PLCB1: variants seen among roughly 807,000 people sequenced by gnomAD.
The protein encoded by PLCB1 is 1-phosphatidylinositol 4,5-bisphosphate phosphodiesterase beta-1.
PLCB1 carries 46 observed loss-of-function variants against 161.8 expected under a neutral mutation model. That is an observed-to-expected ratio of 0.28 (90% confidence interval 0.22 to 0.36). The LOEUF (loss-of-function observed/expected upper bound fraction) is 0.36, where lower values mean the gene tolerates loss of function less well. Among genes scored for constraint, PLCB1 ranks in the 10% least tolerant of loss-of-function variants. The pLI is 1.00. For missense variants in PLCB1, 1,016 were observed against 1,472.5 expected (o/e 0.69, Z 5.07); for synonymous variants, 517 against 503.7 (o/e 1.03, Z -0.35).
intron 3 of PLCB1, among the ~76,000 whole-genome samples, chr20:8,492,305 T>G (rs899556678): frequency 6.6e-6 from 1 of 152,196 alleles, no homozygotes; most frequent in African/African-American, 2.4e-5. Context: ...AAATAACTTA[T>G]TTGACTCTGT....
intron 31 of PLCB1, among the ~76,000 whole-genome samples, chr20:8,794,661 C>G (rs1441523348): frequency 6.6e-6 from 1 of 152,148 alleles, no homozygotes; most frequent in Non-Finnish European, 1.5e-5. Context: ...TGTTCCTAAT[C>G]TTGTCTTAAC....
chr20:8,548,331 T>G (rs1456587811), intron 3 of PLCB1, among the ~76,000 whole-genome samples: 1 of 142,124 alleles, frequency 7.0e-6, no homozygotes, highest in African/African-American at 2.7e-5. Flanking sequence ...CATTTTTTCT[T>G]TCTCTTTGTT....
rs1043589036 is a variant in PLCB1 at position 8,764,143 on chromosome 20, C to T, written c.2711-996C>T. ...GATCACGCCACTGCACTCCAGCCTG[C>T]GCAACAGAGCAAGACTCTGTCTCAA... On this transcript the variant is annotated intron_variant, in intron 25 of 31. Coordinates refer to ENST00000338037, the MANE Select transcript of PLCB1 (RefSeq NM_015192.4). Among the ~76,000 whole-genome samples, 31 of 152,044 alleles carry T rather than the reference C, an allele frequency of 2.0e-4. No individual in the cohort carries two copies. In the East Asian group the frequency reaches 4.1e-3, roughly 20 times the overall value.
At chr20:8,236,458 A>T (rs1040353743) in intron 2 of PLCB1, among the ~76,000 whole-genome samples, 1 of 151,984 alleles carries the variant, frequency 6.6e-6, no homozygotes, top group Non-Finnish European at 1.5e-5. Flanking sequence ...GCTTGAGCCC[A>T]GGAGTTTGAG....
chr20:8,293,425 G>A (rs139173643), intron 2 of PLCB1, among the ~76,000 whole-genome samples: 1 of 152,002 alleles, frequency 6.6e-6, no homozygotes, highest in Non-Finnish European at 1.5e-5. Context: ...TTCTCATTTT[G>A]TCATACAGAA....
intron 3 of PLCB1, among the ~76,000 whole-genome samples, chr20:8,553,714 T>C (rs141911909): frequency 0.015 from 2,315 of 152,226 alleles, 31 homozygotes; most frequent in Non-Finnish European, 0.021. Flanking sequence ...ATAAAACTGC[T>C]GTTTAGCTTG....
chr20:8,543,137 C>T (rs1985398636), intron 3 of PLCB1, among the ~76,000 whole-genome samples: 1 of 152,034 alleles, frequency 6.6e-6, no homozygotes, highest in Non-Finnish European at 1.5e-5. Context: ...ATCAGAATAT[C>T]CTTTAAACAA....
At chr20:8,331,259 A>C (rs1985353797) in intron 2 of PLCB1, among the ~76,000 whole-genome samples, 1 of 152,234 alleles carries the variant, frequency 6.6e-6, no homozygotes, top group Non-Finnish European at 1.5e-5. Context: ...TGTTTTACAG[A>C]CAAAGACTTG....
At chr20:8,502,443 A>T (rs1983463841) in intron 3 of PLCB1, among the ~76,000 whole-genome samples, 1 of 152,206 alleles carries the variant, frequency 6.6e-6, no homozygotes, top group African/African-American at 2.4e-5. Flanking sequence ...TATTTGTAAG[A>T]TATTAATATA....
At chr20:8,799,102 C>T (rs535963720) in intron 31 of PLCB1, among the ~76,000 whole-genome samples, 1 of 152,262 alleles carries the variant, frequency 6.6e-6, no homozygotes, top group East Asian at 1.9e-4. Flanking sequence ...CGCATGGATG[C>T]CGTTGATTCC....
chr20:8,794,958 T>C (rs1600333559), intron 31 of PLCB1, among the ~76,000 whole-genome samples: 1 of 152,242 alleles, frequency 6.6e-6, no homozygotes, highest in South Asian at 2.1e-4. Context: ...AGTGTGACTT[T>C]GCTAGCAGTT....
chr20:8,773,457 T>C (rs1295491228), intron 26 of PLCB1, among the ~76,000 whole-genome samples: 2 of 152,254 alleles, frequency 1.3e-5, no homozygotes, highest in Non-Finnish European at 2.9e-5. Flanking sequence ...TAATTTATTT[T>C]GACATTCACC....
intron 2 of PLCB1, among the ~76,000 whole-genome samples, chr20:8,196,704 ACATGTGCACAACGTGC>A (rs2052027956): frequency 6.6e-6 from 1 of 151,472 alleles, no homozygotes; most frequent in Non-Finnish European, 1.5e-5. Context: ...GTTCTAGGGT[ACATGTGCACAACGTGC>A]AGGTTTGTTA....
chr20:8,733,938 G>C (rs1980431130), intron 19 of PLCB1, among the ~76,000 whole-genome samples: 1 of 146,630 alleles, frequency 6.8e-6, no homozygotes, highest in Non-Finnish European at 1.5e-5. Context: ...TGGCTAACAC[G>C]GTGAAACCCC....
In PLCB1 at chr20:8,657,034, A is replaced by G. The variant is rs544979326; in HGVS notation, c.595-150A>G. ...AATGTTTACCCTGACCTCCTAGAAG[A>G]AAAGGAAAAAGAAAGGAAAGAGAGA... On this transcript the variant is annotated intron_variant, in intron 7 of 31. Coordinates refer to ENST00000338037, the MANE Select transcript of PLCB1 (RefSeq NM_015192.4). The G allele has an allele frequency of 3.2e-4, 192 of 599,812 alleles. 1 individual carries two copies. The highest frequency in any genetic ancestry group is 3.2e-3 in the African/African-American group (170 of 53,722). The allele number at this position is 599,812 out of a possible 1,614,324, so 37.2% of individuals were successfully genotyped here. A position where few individuals can be genotyped will look rare whatever the true frequency, so the allele number is the denominator to read the frequency against.
intron 3 of PLCB1, among the ~76,000 whole-genome samples, chr20:8,547,422 A>G (rs1985593525): frequency 6.6e-6 from 1 of 152,190 alleles, no homozygotes; most frequent in Admixed American, 6.5e-5. Context: ...GCGTGGGGAC[A>G]TATGTCAAAT....
At chr20:8,365,304 A>G (rs770727313) in intron 2 of PLCB1, among the ~76,000 whole-genome samples, 1 of 152,226 alleles carries the variant, frequency 6.6e-6, no homozygotes, top group African/African-American at 2.4e-5. Context: ...AATTTGCACT[A>G]TATTAAATCT....
chr20:8,164,068 T>A (rs771650615), intron 2 of PLCB1, among the ~76,000 whole-genome samples: 2 of 152,206 alleles, frequency 1.3e-5, no homozygotes, highest in Non-Finnish European at 1.5e-5. Context: ...TTCTCTGTGA[T>A]GTATGGATCT....
chr20:8,620,286 C>G (rs1465854848), intron 3 of PLCB1, among the ~76,000 whole-genome samples: 1 of 152,068 alleles, frequency 6.6e-6, no homozygotes, highest in African/African-American at 2.4e-5. Context: ...CAGCCCTTAA[C>G]ATATAATGAT....
Sources: allele counts gnomAD v4.1 joint callset (sites outside exome capture counted in the v4.1 genomes callset), GRCh38; gene constraint gnomAD v4.1.1; transcripts MANE v1.5; gene names NCBI Gene and HGNC (gene_info 2026-07-23, HGNC 2026-07-21).